The following MOB3A variants were observed in gnomAD, a reference collection of about 807,000 sequenced individuals.
MOB3A encodes MOB LAK.
A neutral mutation model predicts 17.8 loss-of-function variants in MOB3A; 17 were observed. That is an observed-to-expected ratio of 0.95 (90% CI 0.65 to 1.43). MOB3A has a LOEUF of 1.43. Among genes scored for constraint, MOB3A ranks in the 40% most tolerant of loss-of-function variants. The pLI, the probability that MOB3A is intolerant of heterozygous loss-of-function variation, is 0.00. For missense variants in MOB3A, 333 were observed against 310.8 expected (o/e 1.07, Z -0.54); for synonymous variants, 124 against 133.2 (o/e 0.93, Z 0.48).
chr19:2,090,785 T>C (rs2017605178), intron 1 of MOB3A, among the ~76,000 whole-genome samples: 1 of 152,158 alleles, frequency 6.6e-6, no homozygotes, highest in African/African-American at 2.4e-5. Context: ...TGCCTCAGCC[T>C]CCCGAGTAGC....
intron 1 of MOB3A, among the ~76,000 whole-genome samples, chr19:2,094,188 G>A (rs775285448): frequency 1.3e-5 from 2 of 151,518 alleles, no homozygotes; most frequent in Middle Eastern, 3.2e-3. Context: ...CTGGGACTAC[G>A]GGCACCCGCC....
rs1276359517 is a variant in MOB3A at position 2,072,040 on chromosome 19, G to C, written c.*1355C>G. The stretch of plus-strand genomic sequence containing the variant: ...TAAAATACAAAAAAATTAGCCGGGT[G>C]TGACGGTGGGTGCCTGTAGTCCCAG... On this transcript the variant is annotated 3_prime_UTR_variant, in exon 5 of 5. Coordinates refer to ENST00000357066, the MANE Select transcript of MOB3A (RefSeq NM_130807.3). 1 of 152,328 alleles carries C rather than the reference G, an allele frequency of 6.6e-6. No homozygotes were observed. The highest frequency in any genetic ancestry group is 3.4e-3 in the Middle Eastern group (1 of 296). 9.4% of individuals were successfully genotyped at this position (152,328 alleles called of 1,614,324 possible).
chr19:2,073,995 C>A (rs2017372845), intron 4 of MOB3A, among the ~76,000 whole-genome samples: 1 of 151,264 alleles, frequency 6.6e-6, no homozygotes, highest in Non-Finnish European at 1.5e-5. Flanking sequence ...CGCGCCACTG[C>A]ACTCCAGCCT....
intron 1 of MOB3A, among the ~76,000 whole-genome samples, chr19:2,088,891 C>T (rs1407733438): frequency 2.6e-5 from 4 of 152,170 alleles, no homozygotes; most frequent in East Asian, 1.9e-4. Context: ...ACATGAGCCA[C>T]GGAGCCTGGC....
chr19:2,096,019 C>T (rs1293247181), intron 1 of MOB3A, among the ~76,000 whole-genome samples: 1 of 152,078 alleles, frequency 6.6e-6, no homozygotes, highest in Non-Finnish European at 1.5e-5. Context: ...GCTGGGATTA[C>T]AGGCGTGAGC....
At chr19:2,092,091 T>G (rs1273047137) in intron 1 of MOB3A, among the ~76,000 whole-genome samples, 3 of 150,190 alleles carry the variant, frequency 2.0e-5, no homozygotes, top group African/African-American at 4.9e-5. Context: ...GGTTTTTTTT[T>G]TTTTTTTTTT....
intron 1 of MOB3A, among the ~76,000 whole-genome samples, chr19:2,092,139 C>T (rs1350190233): frequency 5.8e-5 from 8 of 138,098 alleles, no homozygotes; most frequent in Non-Finnish European, 1.1e-4. Context: ...TTCGCTCTAT[C>T]CCCCAGGCTG....
chr19:2,083,861 G>A (rs1369724933), intron 2 of MOB3A, among the ~76,000 whole-genome samples: 1 of 152,222 alleles, frequency 6.6e-6, no homozygotes, highest in African/African-American at 2.4e-5. Context: ...TGGGCTGACT[G>A]CAGCCATGGG....
intron 1 of MOB3A, among the ~76,000 whole-genome samples, chr19:2,089,002 C>T (rs1313170930): frequency 6.6e-6 from 1 of 152,186 alleles, no homozygotes; most frequent in Non-Finnish European, 1.5e-5. Context: ...GTGTATCTGG[C>T]CATCCGTGTT....
intron 2 of MOB3A, among the ~76,000 whole-genome samples, chr19:2,080,043 C>T (rs1029098847): frequency 7.9e-5 from 12 of 152,324 alleles, no homozygotes; most frequent in Admixed American, 6.5e-4. Flanking sequence ...GCCGGGCTCA[C>T]GCTCACCACG....
chr19:2,085,096 C>A (rs1008140035), intron 2 of MOB3A, 79 bp downstream of exon 2: 4 of 152,164 alleles, frequency 2.6e-5, no homozygotes, highest in African/African-American at 9.7e-5. Context: ...AGAAAGGGGT[C>A]TTTTCCAAAG....
chr19:2,083,405 G>T (rs886870915), intron 2 of MOB3A, among the ~76,000 whole-genome samples: 3 of 152,184 alleles, frequency 2.0e-5, no homozygotes, highest in Non-Finnish European at 4.4e-5. Context: ...CTGCCCTCAG[G>T]CCACACCACC....
intron 4 of MOB3A, among the ~76,000 whole-genome samples, chr19:2,073,700 C>T (rs1034560794): frequency 1.3e-5 from 2 of 152,108 alleles, no homozygotes; most frequent in African/African-American, 2.4e-5. Flanking sequence ...CCACCTCAGA[C>T]GATGGTAACC....
chr19:2,078,222 G>C lies in MOB3A; in HGVS notation c.339C>G (p.Leu113=), dbSNP rs11541046. The change falls in exon 3 of 5, where the codon CTC becomes CTG. Residue 113 remains leucine (L), a synonymous_variant. Coordinates refer to ENST00000357066, the MANE Select transcript of MOB3A (RefSeq NM_130807.3). ...GCAGGTCCATGTACCTGGGCGCGGA[G>C]AGTGCCGTGGGCTTCCGGAACTTAT... ...DEHKFRKPTA[L]SAPRYMDLLM... is the part of the protein sequence containing the mutation. 0.15 allele frequency: 234,980 copies of C among 1,613,046 alleles called. 17,848 individuals are homozygous for C. Among genetic ancestry groups the C allele is most frequent in the South Asian group, 0.2 (18,532 of 90,994 alleles).
At chr19:2,096,395 C>T, upstream of MOB3A, 1 of 154,738 alleles carries the variant, frequency 6.5e-6, no homozygotes, top group South Asian at 1.8e-4. Context: ...CTTAAAGGGC[C>T]CGGGGCTCCG....
At chr19:2,080,503 G>C (rs551742320) in intron 2 of MOB3A, among the ~76,000 whole-genome samples, 1 of 151,692 alleles carries the variant, frequency 6.6e-6, no homozygotes. Flanking sequence ...TCAGCCTCCC[G>C]AGTAGCTGGC....
intron 2 of MOB3A, among the ~76,000 whole-genome samples, chr19:2,081,187 TA>T (rs2017482463): frequency 6.6e-6 from 1 of 151,772 alleles, no homozygotes; most frequent in Non-Finnish European, 1.5e-5. Flanking sequence ...AGGGTTAGGG[TA>T]CCCCCCAACA....
intron 2 of MOB3A, 160 bp from the exon 3 acceptor site, chr19:2,078,839 A>C: frequency 2.9e-6 from 1 of 348,550 alleles, no homozygotes; most frequent in Non-Finnish European, 5.2e-6. Context: ...GCTCACTGCA[A>C]CCTCTGCCTC....
intron 2 of MOB3A, among the ~76,000 whole-genome samples, chr19:2,081,003 G>A (rs145232685): frequency 2.0e-5 from 3 of 152,294 alleles, no homozygotes; most frequent in African/African-American, 7.2e-5. Flanking sequence ...TTAGCTGGGT[G>A]TAGTGGCGCA....
Sources: allele counts gnomAD v4.1 joint callset (sites outside exome capture counted in the v4.1 genomes callset), GRCh38; gene constraint gnomAD v4.1.1; transcripts MANE v1.5; gene names NCBI Gene and HGNC (gene_info 2026-07-23, HGNC 2026-07-21).